IVD: variants seen among roughly 807,000 people sequenced by gnomAD.
The protein encoded by IVD is isovaleryl-CoA dehydrogenase, mitochondrial.
In IVD, 31 loss-of-function variants were observed where a neutral mutation model predicts 51.3. That is an observed-to-expected ratio of 0.60 (90% CI 0.45 to 0.81). IVD has a LOEUF of 0.81. Ranked by LOEUF, IVD falls within the 40% of genes least tolerant of loss-of-function variation. The pLI, the probability that IVD is intolerant of heterozygous loss-of-function variation, is 0.00. For missense variants in IVD, 475 were observed against 552.0 expected, an observed-to-expected ratio of 0.86 and a Z score of 1.40; for synonymous variants, 205 against 219.4, an observed-to-expected ratio of 0.93 and a Z score of 0.58.
chr15:40,415,020 G>C, intron 8 of IVD, 38 bp downstream of exon 8: 1 of 1,608,346 alleles, frequency 6.2e-7, no homozygotes, highest in Middle Eastern at 1.8e-4. Context: ...GGGCTCTGTC[G>C]GCCTCCTCGG....
rs1042535765 is a variant in IVD at position 40,418,324 on chromosome 15, T to A, written c.*61T>A. 1.4e-5 allele frequency: 23 copies of A among 1,609,268 alleles called. No homozygotes were observed. The African/African-American group carries it at 2.5e-4, about 18-fold the overall frequency. ...TGGCCTTTCTTGGGAAGTAGAGATG[T>A]GGCGGCTTTCCCACCCTGCCCACAG... On this transcript the variant is annotated 3_prime_UTR_variant, in exon 12 of 12. Coordinates refer to ENST00000487418, the MANE Select transcript of IVD (RefSeq NM_002225.5).
At position 40,420,726 on chromosome 15, in the gene IVD, TCAA is replaced by T. The variant is rs1892222572; in HGVS notation, c.*2466_*2468del. 1 of 985,960 alleles carries T rather than the reference TCAA, an allele frequency of 1.0e-6. No homozygotes were observed. 61.1% of individuals were successfully genotyped at this position (985,960 alleles called of 1,614,324 possible). On this transcript the variant is annotated 3_prime_UTR_variant, in exon 12 of 12. Coordinates refer to ENST00000487418, the MANE Select transcript of IVD (RefSeq NM_002225.5). Reference sequence around the variant, plus strand: ...AACCGCCCCTTTGTTTTTAAAAAGATCAACACAATTTGACTTTCTCAAGGTCAA... The same window carrying T: ...AACCGCCCCTTTGTTTTTAAAAAGATCACAATTTGACTTTCTCAAGGTCAA...
intron 3 of IVD, 133 bp from the exon 4 acceptor site, chr15:40,410,492 ATTC>A: frequency 9.7e-7 from 1 of 1,030,792 alleles, no homozygotes; most frequent in Admixed American, 1.9e-5. Flanking sequence ...GCATCAGCTT[ATTC>A]TTGTTGCTAG....
chr15:40,433,783 C>T, intron 7 of IVD: 1 of 449,298 alleles, frequency 2.2e-6, no homozygotes, highest in Non-Finnish European at 4.5e-6. Context: ...GGTATCATGC[C>T]ATGTTCTCAG....
chr15:40,424,510 G>T (rs1242522999), downstream of IVD: 1 of 237,186 alleles, frequency 4.2e-6, no homozygotes, highest in Non-Finnish European at 8.3e-6. Context: ...ATCCATCCTG[G>T]ATGGGTCCCC....
At chr15:40,422,585 CTTTTTTTTTT>C (rs1157351420), downstream of IVD, among the ~76,000 whole-genome samples, 425 of 69,150 alleles carry the variant, frequency 6.1e-3, 32 homozygotes, top group East Asian at 0.026. Flanking sequence ...GCCCGGCCGA[CTTTTTTTTTT>C]TTTTTTTTTT....
chr15:40,424,880 T>C (rs1892576422), downstream of IVD, among the ~76,000 whole-genome samples: 1 of 152,198 alleles, frequency 6.6e-6, no homozygotes, highest in Admixed American at 6.5e-5. Context: ...TCATGCTGAA[T>C]GAGTGAAATG....
intron 7 of IVD, 158 bp downstream of exon 7, chr15:40,413,245 G>A (rs780728363): frequency 7.5e-5 from 52 of 691,468 alleles, no homozygotes; most frequent in Non-Finnish European, 1.1e-4. Flanking sequence ...GCTGGACAGC[G>A]CTCCTTCCTG....
In IVD at chr15:40,420,197, C is replaced by G. The variant is rs1385001701; in HGVS notation, c.*1934C>G. Reference sequence around the variant, plus strand: ...CGTGCTTTTGTGTACTGTTGGAAGACTGGCTCCTCCTGTACAGCACCTCTG... The same window carrying G: ...CGTGCTTTTGTGTACTGTTGGAAGAGTGGCTCCTCCTGTACAGCACCTCTG... On this transcript the variant is annotated 3_prime_UTR_variant, in exon 12 of 12. Coordinates refer to ENST00000487418, the MANE Select transcript of IVD (RefSeq NM_002225.5). 2.0e-6 allele frequency: 2 copies of G among 985,914 alleles called. No homozygotes were observed. The highest frequency in any genetic ancestry group is 3.5e-5 in the African/African-American group (2 of 57,284). The allele number at this position is 985,914 out of a possible 1,614,324, so 61.1% of individuals were successfully genotyped here. A position where few individuals can be genotyped will look rare whatever the true frequency, so the allele number is the denominator to read the frequency against.
chr15:40,422,631 A>C (rs1470396654), downstream of IVD, among the ~76,000 whole-genome samples: 3 of 69,694 alleles, frequency 4.3e-5, no homozygotes, highest in Admixed American at 1.9e-4. Context: ...ACGGAGTCTC[A>C]CTTTGTCATC....
Position 40,421,112 on chromosome 15 carries a change from G to A in IVD, c.*2849G>A. On this transcript the variant is annotated 3_prime_UTR_variant, in exon 12 of 12. Transcript: ENST00000487418. ...TTGTCTTGCTCCCTGCTATGTTGGA[G>A]ATGAATGTGACTAAAAGGGCCATCT... The A allele has an allele frequency of 1.0e-6, 1 of 985,496 alleles. No homozygotes were observed. Among genetic ancestry groups the A allele is most frequent in the Non-Finnish European group, 1.2e-6 (1 of 829,960 alleles). 61.0% of individuals were successfully genotyped at this position (985,496 alleles called of 1,614,324 possible).
chr15:40,417,205 G>A (rs1359555373), intron 11 of IVD, among the ~76,000 whole-genome samples: 1 of 131,412 alleles, frequency 7.6e-6, no homozygotes, highest in Non-Finnish European at 1.6e-5. Flanking sequence ...ACTCCGTCTC[G>A]GAAAAAAAAA....
At chr15:40,424,816 T>C (rs939437034), downstream of IVD, among the ~76,000 whole-genome samples, 1 of 152,258 alleles carries the variant, frequency 6.6e-6, no homozygotes, top group Non-Finnish European at 1.5e-5. Context: ...CTCTCACTTA[T>C]CTGAACTCTC....
chr15:40,425,759 G>A (rs1262468228), downstream of IVD, among the ~76,000 whole-genome samples: 5 of 151,248 alleles, frequency 3.3e-5, no homozygotes, highest in South Asian at 2.1e-4. Context: ...CTGGGCTTAA[G>A]AGATCTGCCT....
chr15:40,417,986 ACACC>A, intron 11 of IVD, 140 bp from the exon 12 acceptor site: 2 of 1,087,630 alleles, frequency 1.8e-6, no homozygotes, highest in Non-Finnish European at 1.3e-6. Flanking sequence ...TGTATTCCCC[ACACC>A]CCTCCCTCTT....
chr15:40,435,465 G>A (rs1435103295), exon 9 of IVD: 2 of 1,246,526 alleles, frequency 1.6e-6, no homozygotes, highest in Non-Finnish European at 2.1e-6. Flanking sequence ...GGCGAGACCC[G>A]AGGTCAGACG....
chr15:40,418,686 C>G lies in IVD; in HGVS notation c.*423C>G, dbSNP rs1427781066. On this transcript the variant is annotated 3_prime_UTR_variant, in exon 12 of 12. Coordinates refer to ENST00000487418, the MANE Select transcript of IVD (RefSeq NM_002225.5). ...AGGCTCTGGCAAGGAGATCTCTCTGCTCAAGCACAGCAGAATCATGGCCCC... is the reference window on the plus strand; with the variant it reads ...AGGCTCTGGCAAGGAGATCTCTCTGGTCAAGCACAGCAGAATCATGGCCCC... 8.8e-7 allele frequency: 1 copy of G among 1,135,898 alleles called. No individual in the cohort carries two copies. The highest frequency in any genetic ancestry group is 4.6e-5 in the Admixed American group (1 of 21,888). 70.4% of individuals were successfully genotyped at this position (1,135,898 alleles called of 1,614,324 possible).
downstream of IVD, among the ~76,000 whole-genome samples, chr15:40,427,218 C>A (rs374577765): frequency 2.0e-5 from 3 of 152,340 alleles, no homozygotes; most frequent in East Asian, 5.8e-4. Context: ...GGGCTACGCT[C>A]GCACTGGCAG....
At chr15:40,424,223 T>A, downstream of IVD, 1 of 1,284,506 alleles carries the variant, frequency 7.8e-7, no homozygotes, top group Non-Finnish European at 1.0e-6. Flanking sequence ...ACCTGTAAGA[T>A]CTAAGGCTTG....
Sources: gnomAD v4.1 joint callset for allele counts (sites outside exome capture counted in the v4.1 genomes callset) on GRCh38, gnomAD v4.1.1 for gene constraint, MANE v1.5 for transcripts, NCBI Gene and HGNC (gene_info 2026-07-23, HGNC 2026-07-21) for gene names.